WWP2: variants seen among roughly 807,000 people sequenced by gnomAD.
The protein encoded by WWP2 is NEDD4-like E3 ubiquitin-protein ligase WWP2.
A neutral mutation model predicts 121.0 loss-of-function variants in WWP2; 57 were observed. That is an observed-to-expected ratio of 0.47 (90% CI 0.38 to 0.59). The LOEUF (loss-of-function observed/expected upper bound fraction) is 0.59. WWP2 is among the 20% of genes least tolerant of loss of function. The pLI is 0.00. For missense variants in WWP2, 962 were observed against 1,158.9 expected (o/e 0.83, Z 2.47); for synonymous variants, 449 against 441.3 (o/e 1.02, Z -0.22).
Position 69,917,785 on chromosome 16 carries a change from C to A in WWP2, c.1081C>A (p.Pro361Thr). 1 of 1,614,030 alleles carries A rather than the reference C, an allele frequency of 6.2e-7. No individual in the cohort carries two copies. Among genetic ancestry groups the A allele is most frequent in the Non-Finnish European group, 8.5e-7 (1 of 1,179,838 alleles). The change falls in exon 10 of 24, where the codon CCG (proline) becomes ACG (threonine). Residue 361 changes from proline (P) to threonine (T), a missense_variant. This residue lies in a region of WWP2 where 606 missense variants were observed against 772.6 expected (regional missense o/e 0.78). Coordinates refer to ENST00000359154, the MANE Select transcript of WWP2 (RefSeq NM_001270454.2). Reference protein sequence around the residue: ...HNTRTTTWQRPTAEYVRNYEQ... With the variant: ...HNTRTTTWQRTTAEYVRNYEQ... ...TACTCGGACCACCACCTGGCAGCGT[C>A]CGACCGCGGAGTACGTGCGCAACTA...
intron 4 of WWP2, among the ~76,000 whole-genome samples, chr16:69,838,445 TA>T (rs3086443): frequency 0.061 from 8,528 of 139,282 alleles, 286 homozygotes; most frequent in Middle Eastern, 0.12. Flanking sequence ...CTCCTTGACT[TA>T]AAAAAAAAAA....
At chr16:69,798,349 G>T (rs1001945836) in intron 2 of WWP2, among the ~76,000 whole-genome samples, 2 of 152,174 alleles carry the variant, frequency 1.3e-5, no homozygotes, top group African/African-American at 4.8e-5. Context: ...AGTCATTTAA[G>T]AGTGACTTAT....
rs757014863 is a variant in WWP2 at position 69,937,786 on chromosome 16, C to T, written c.2343+134C>T. 7.7e-5 allele frequency: 59 copies of T among 768,438 alleles called. No homozygotes were observed. Among genetic ancestry groups the T allele is most frequent in the Admixed American group, 6.6e-4 (26 of 39,104 alleles). 47.6% of individuals were successfully genotyped at this position (768,438 alleles called of 1,614,324 possible). ...GCCTCCCACACCTTGCAAAAGGAGA[C>T]GATAGACCAGCCTTGGGATGAACGG... On this transcript the variant is annotated intron_variant, in intron 21 of 23. Coordinates refer to ENST00000359154, the MANE Select transcript of WWP2 (RefSeq NM_001270454.2). This position sits in a 1 kb window ranked among gnomAD's most constrained non-coding sequence, Gnocchi z 6.6.
intron 4 of WWP2, among the ~76,000 whole-genome samples, chr16:69,819,667 CA>C (rs1204100565): frequency 1.3e-5 from 2 of 152,108 alleles, no homozygotes; most frequent in Non-Finnish European, 2.9e-5. Flanking sequence ...CTTGGCCTCC[CA>C]AATGCTGGGA....
rs546723970 is a variant in WWP2 at position 69,769,340 on chromosome 16, A to G, written c.-16+6949A>G. Among the ~76,000 whole-genome samples, 72 of 133,214 alleles carry G rather than the reference A, an allele frequency of 5.4e-4. 1 individual carries two copies. In the South Asian group the frequency reaches 0.017, roughly 32 times the overall value. The allele number at this position is 133,214 out of a possible 152,430, so 87.4% of individuals were successfully genotyped here. A position where few individuals can be genotyped will look rare whatever the true frequency, so the allele number is the denominator to read the frequency against. ...TCAAAAAAAAAAAAAAAAAAAAAAT[A>G]GAAGTGGGTGCAAGGTTTATCTCTA... On this transcript the variant is annotated intron_variant, in intron 1 of 23. Transcript: ENST00000359154.
At chr16:69,801,557 G>A (rs1254751552) in intron 4 of WWP2, among the ~76,000 whole-genome samples, 1 of 151,396 alleles carries the variant, frequency 6.6e-6, no homozygotes, top group African/African-American at 2.4e-5. Context: ...TTTAGATTGA[G>A]ATGGGATCTC....
intron 7 of WWP2, among the ~76,000 whole-genome samples, chr16:69,876,108 CCACCA>C (rs754781773): frequency 3.1e-4 from 47 of 152,236 alleles, no homozygotes; most frequent in Admixed American, 4.6e-4. Flanking sequence ...TAGGCATGCA[CCACCA>C]CACCCAGCTA....
chr16:69,775,670 A>G (rs952383726), intron 1 of WWP2, among the ~76,000 whole-genome samples: 1 of 151,828 alleles, frequency 6.6e-6, no homozygotes, highest in Non-Finnish European at 1.5e-5. Context: ...TGCTTGCTTT[A>G]TTTCTTTTTC....
chr16:69,819,167 C>T (rs2151841854), intron 4 of WWP2, among the ~76,000 whole-genome samples: 1 of 152,300 alleles, frequency 6.6e-6, no homozygotes, highest in Non-Finnish European at 1.5e-5. Context: ...CACCCATGTC[C>T]AAGTCACTTC....
intron 6 of WWP2, among the ~76,000 whole-genome samples, chr16:69,854,742 G>A (rs1422497037): frequency 6.6e-6 from 1 of 152,120 alleles, no homozygotes; most frequent in Non-Finnish European, 1.5e-5. Context: ...GTAGAGGCGA[G>A]GTTTCGCCAA....
chr16:69,794,759 G>T (rs1329833812), intron 2 of WWP2, among the ~76,000 whole-genome samples: 2 of 152,194 alleles, frequency 1.3e-5, no homozygotes, highest in African/African-American at 4.8e-5. Flanking sequence ...TGGCAAAGCT[G>T]CTGGGATTAT....
At chr16:69,897,245 G>A (rs1288368497) in intron 8 of WWP2, among the ~76,000 whole-genome samples, 1 of 152,042 alleles carries the variant, frequency 6.6e-6, no homozygotes, top group Non-Finnish European at 1.5e-5. Flanking sequence ...TGAGACCACA[G>A]GCACATCCTA....
intron 4 of WWP2, among the ~76,000 whole-genome samples, chr16:69,810,962 C>T (rs1475773322): frequency 4.0e-5 from 6 of 151,742 alleles, no homozygotes; most frequent in Non-Finnish European, 8.8e-5. Flanking sequence ...ACCATGTTGG[C>T]CAGGCTGGTC....
chr16:69,917,987 C>G, intron 10 of WWP2, 104 bp downstream of exon 10: 11 of 1,374,024 alleles, frequency 8.0e-6, no homozygotes, highest in Non-Finnish European at 1.1e-5. Flanking sequence ...GGGAAAACAG[C>G]GTCTGGCAAC....
intron 10 of WWP2, among the ~76,000 whole-genome samples, chr16:69,921,802 G>A (rs919178300): frequency 6.6e-6 from 1 of 152,094 alleles, no homozygotes; most frequent in Non-Finnish European, 1.5e-5. Context: ...GACTGGGCGC[G>A]GTGGCTCACG....
At position 69,939,093 on chromosome 16, in the gene WWP2, C is replaced by T; in HGVS notation, c.2410C>T (p.Leu804=). The change falls in exon 22 of 24, where the codon CTG becomes TTG. Residue 804 remains leucine (L), a synonymous_variant. Coordinates refer to ENST00000359154, the MANE Select transcript of WWP2 (RefSeq NM_001270454.2). ...LLQFVTGTCR[L]PVGGFAELIG... is the part of the protein sequence containing the mutation. ...GCAGTTTGTCACCGGTACCTGCCGC[C>T]TGCCCGTCGGGGGATTTGCCGAACT... 6.2e-7 allele frequency: 1 copy of T among 1,605,660 alleles called. No individual in the cohort carries two copies. Among genetic ancestry groups the T allele is most frequent in the Non-Finnish European group, 8.5e-7 (1 of 1,175,634 alleles).
At chr16:69,930,926 G>C (rs1483535148) in intron 13 of WWP2, among the ~76,000 whole-genome samples, 2 of 152,170 alleles carry the variant, frequency 1.3e-5, no homozygotes, top group Non-Finnish European at 2.9e-5. Flanking sequence ...GGACTATCCT[G>C]TTTATTCCGA....
At chr16:69,775,942 A>G (rs956436166) in intron 1 of WWP2, among the ~76,000 whole-genome samples, 1 of 152,158 alleles carries the variant, frequency 6.6e-6, no homozygotes, top group Admixed American at 6.5e-5. Flanking sequence ...GAGGCTTCAA[A>G]TTCCTCTAGT....
At chr16:69,844,612 T>C (rs537425632) in intron 6 of WWP2, among the ~76,000 whole-genome samples, 7 of 152,296 alleles carry the variant, frequency 4.6e-5, no homozygotes, top group African/African-American at 1.4e-4. Context: ...TTTGTTGTCA[T>C]TGGTGTTGAG....
Sources: allele counts gnomAD v4.1 joint callset (sites outside exome capture counted in the v4.1 genomes callset), GRCh38; gene constraint gnomAD v4.1.1; regional missense constraint gnomAD v4.1.1; non-coding constraint Gnocchi (gnomAD v3.1); transcripts MANE v1.5; gene names NCBI Gene and HGNC (gene_info 2026-07-23, HGNC 2026-07-21).